The following COA1 variants were observed in gnomAD, a reference collection of about 807,000 sequenced individuals.
COA1 encodes cytochrome c oxidase assembly factor 1 homolog.
Under a neutral mutation model 16.0 loss-of-function variants are expected in COA1, and 13 were observed. That is an observed-to-expected ratio of 0.81 (90% CI 0.53 to 1.29). The LOEUF is 1.29. Among genes scored for constraint, COA1 ranks in the 50% most tolerant of loss-of-function variants. The pLI is 0.00. For missense variants in COA1, 179 were observed against 177.0 expected, an observed-to-expected ratio of 1.01 and a Z score of -0.06; for synonymous variants, 65 against 65.7, an observed-to-expected ratio of 0.99 and a Z score of 0.05.
chr7:43,638,489 AGTT>A (rs372066575), downstream of COA1, among the ~76,000 whole-genome samples: 2 of 151,976 alleles, frequency 1.3e-5, no homozygotes, highest in African/African-American at 4.8e-5. Context: ...CATGCGGTTA[AGTT>A]GTTTGGAAAG....
intron 1 of COA1, among the ~76,000 whole-genome samples, chr7:43,729,017 T>C (rs1481247022): frequency 2.8e-4 from 42 of 152,214 alleles, no homozygotes; most frequent in Admixed American, 2.7e-3. Context: ...AAAAGTATTA[T>C]AACCACTAAA....
chr7:43,627,133 TCAA>T (rs1229634841), intron 6 of COA1, among the ~76,000 whole-genome samples: 1 of 152,248 alleles, frequency 6.6e-6, no homozygotes, highest in South Asian at 2.1e-4. Flanking sequence ...TAACTATAAT[TCAA>T]CAATATTTTG....
chr7:43,627,031 TCTA>T (rs1307182206), intron 6 of COA1, among the ~76,000 whole-genome samples: 4 of 152,236 alleles, frequency 2.6e-5, no homozygotes. Flanking sequence ...TCTACACTTA[TCTA>T]AAGCTGTTAA....
intron 6 of COA1, chr7:43,625,048 G>A (rs866375923): frequency 1.3e-5 from 5 of 387,356 alleles, no homozygotes; most frequent in Admixed American, 4.3e-5. Flanking sequence ...ACAGTTACCC[G>A]TTTCAATGTT....
At chr7:43,697,928 G>A (rs941116584) in intron 1 of COA1, among the ~76,000 whole-genome samples, 4 of 152,162 alleles carry the variant, frequency 2.6e-5, no homozygotes, top group African/African-American at 4.8e-5. Flanking sequence ...CAGTTGCCAC[G>A]GATGACTAAT....
intron 6 of COA1, among the ~76,000 whole-genome samples, chr7:43,628,784 T>A (rs1355336501): frequency 1.3e-5 from 2 of 152,250 alleles, no homozygotes; most frequent in African/African-American, 4.8e-5. Flanking sequence ...ATTGTCAGAT[T>A]TATGTGTCAC....
At chr7:43,686,125 C>A (rs1744486925) in intron 1 of COA1, among the ~76,000 whole-genome samples, 1 of 152,168 alleles carries the variant, frequency 6.6e-6, no homozygotes, top group African/African-American at 2.4e-5. Flanking sequence ...AACTGCTTTA[C>A]CAGCTTAACT....
intron 6 of COA1, chr7:43,625,074 G>A (rs890590969): frequency 2.5e-5 from 9 of 357,316 alleles, no homozygotes; most frequent in African/African-American, 1.1e-4. Context: ...TAAGAAGGGA[G>A]ATGTTGGCAC....
chr7:43,662,070 C>T (rs1442877180), intron 1 of COA1, among the ~76,000 whole-genome samples: 1 of 152,192 alleles, frequency 6.6e-6, no homozygotes, highest in Non-Finnish European at 1.5e-5. Flanking sequence ...CTTCAGATTA[C>T]ATATGACAAT....
chr7:43,654,809 G>C (rs954604672), intron 1 of COA1, among the ~76,000 whole-genome samples: 1 of 152,054 alleles, frequency 6.6e-6, no homozygotes, highest in South Asian at 2.1e-4. Context: ...AACACCTCCT[G>C]GTAAAATTTT....
intron 3 of COA1, 42 bp downstream of exon 3, chr7:43,647,493 C>A (rs73690104): frequency 3.8e-6 from 5 of 1,300,168 alleles, no homozygotes; most frequent in Non-Finnish European, 5.6e-6. Context: ...CAGGAGCAGG[C>A]TAGGAGGAGG....
Position 43,639,725 on chromosome 7 carries a change from G to A in COA1, c.342-44C>T, listed in dbSNP as rs749855255. The A allele has an allele frequency of 2.0e-6, 3 of 1,495,134 alleles. No homozygotes were observed. The South Asian group carries it at 3.4e-5, about 17-fold the overall frequency. 92.6% of individuals were successfully genotyped at this position (1,495,134 alleles called of 1,614,324 possible). A position where few individuals can be genotyped will look rare whatever the true frequency, so the allele number is the denominator to read the frequency against. Reference sequence around the variant, plus strand: ...ATAGTATCTCTAATCTATGAAGGCTGAGGCAACAGCCGTAGTCAAAAAAAG... The same window carrying A: ...ATAGTATCTCTAATCTATGAAGGCTAAGGCAACAGCCGTAGTCAAAAAAAG... On this transcript the variant is annotated intron_variant, in intron 5 of 5. Transcript: ENST00000223336.
intron 1 of COA1, among the ~76,000 whole-genome samples, chr7:43,706,957 G>C (rs900308230): frequency 2.6e-5 from 4 of 152,120 alleles, no homozygotes; most frequent in Non-Finnish European, 4.4e-5. Flanking sequence ...GATCACTTGA[G>C]ATCAGGAGTT....
chr7:43,617,368 A>G (rs1406688644), intron 6 of COA1, among the ~76,000 whole-genome samples: 1 of 152,258 alleles, frequency 6.6e-6, no homozygotes, highest in Non-Finnish European at 1.5e-5. Flanking sequence ...GGCCATTGCA[A>G]TAGAGCAAGA....
At chr7:43,624,510 C>CT in intron 6 of COA1, 1 of 1,605,438 alleles carries the variant, frequency 6.2e-7, no homozygotes, top group Non-Finnish European at 8.5e-7. Flanking sequence ...AAACATGTAT[C>CT]TTTACAGAGA....
chr7:43,632,595 T>C (rs2085290360), intron 6 of COA1: 1 of 152,270 alleles, frequency 6.6e-6, no homozygotes, highest in South Asian at 2.1e-4. Context: ...CTTCTTGATC[T>C]ATCAGCAGCA....
chr7:43,629,145 G>T (rs34968692), intron 6 of COA1, among the ~76,000 whole-genome samples: 107,664 of 152,050 alleles, frequency 0.71, 38,606 homozygotes, highest in African/African-American at 0.84. Flanking sequence ...TTTGGTGCCC[G>T]GTCTAAAATC....
At chr7:43,643,193 G>A (rs1210807436) in intron 4 of COA1, among the ~76,000 whole-genome samples, 1 of 152,192 alleles carries the variant, frequency 6.6e-6, no homozygotes, top group Non-Finnish European at 1.5e-5. Flanking sequence ...GTGAAAGCTG[G>A]ACAGGACAAA....
At chr7:43,666,714 A>C (rs146990399) in intron 1 of COA1, among the ~76,000 whole-genome samples, 2 of 152,358 alleles carry the variant, frequency 1.3e-5, no homozygotes, top group African/African-American at 4.8e-5. Context: ...CTTTACAGAT[A>C]GGTAAGGCTG....
Sources: gnomAD v4.1 joint callset for allele counts (sites outside exome capture counted in the v4.1 genomes callset) on GRCh38, gnomAD v4.1.1 for gene constraint, MANE v1.5 for transcripts, NCBI Gene and HGNC (gene_info 2026-07-23, HGNC 2026-07-21) for gene names.